Variants in CASP8 observed in about 807,000 individuals in gnomAD.
The protein encoded by CASP8 is caspase-8.
In CASP8, 24 loss-of-function variants were observed where a neutral mutation model predicts 46.3. The observed-to-expected ratio is 0.52, with a 90% CI of 0.38 to 0.73. The LOEUF is 0.73. CASP8 is among the 30% of genes least tolerant of loss of function. The pLI, the probability that CASP8 is intolerant of heterozygous loss-of-function variation, is 0.00. For missense variants in CASP8, 460 were observed against 559.0 expected, an observed-to-expected ratio of 0.82 and a Z score of 1.79; for synonymous variants, 188 against 200.4, an observed-to-expected ratio of 0.94 and a Z score of 0.52.
chr2:201,258,276 A>AAACTTCTTCCT (rs777586802), upstream of CASP8: 33 of 1,613,710 alleles, frequency 2.0e-5, no homozygotes, highest in East Asian at 6.5e-4. Flanking sequence ...AAAGTAAAAG[A>AAACTTCTTCCT]AACTTCTTCC....
chr2:201,287,048 C>T lies in CASP8; in HGVS notation c.*454C>T. The stretch of plus-strand genomic sequence containing the variant: ...ATATTAACAACAATAACACTGTCTC[C>T]TTTCTCTTATGCTTAAGGCTTTGGG... On this transcript the variant is annotated 3_prime_UTR_variant, in exon 9 of 9. Coordinates refer to ENST00000673742, the MANE Select transcript of CASP8 (RefSeq NM_001372051.1). The T allele has an allele frequency of 5.0e-6, 1 of 199,280 alleles. No homozygotes were observed. Among genetic ancestry groups the T allele is most frequent in the South Asian group, 8.4e-5 (1 of 11,912 alleles). 12.3% of individuals were successfully genotyped at this position (199,280 alleles called of 1,614,324 possible).
intron 7 of CASP8, 153 bp downstream of exon 7, chr2:201,277,121 T>G (rs1279709838): frequency 1.7e-6 from 1 of 599,794 alleles, no homozygotes; most frequent in Non-Finnish European, 3.0e-6. Flanking sequence ...AACATTCTTA[T>G]ACATTTATCA....
In CASP8 at chr2:201,277,739, T is replaced by C. The variant is rs578158875; in HGVS notation, c.802+771T>C. ...TTTTTGAGACAAAGTCTCACTCTGT[T>C]GCCCAGGCTGGAGTGCAGTGGTGTG... On this transcript the variant is annotated intron_variant, in intron 7 of 8. Transcript: ENST00000673742. 1.2e-3 allele frequency: 533 copies of C among 435,980 alleles called. 2 individuals are homozygous for C. The highest frequency in any genetic ancestry group is 2.0e-3 in the Non-Finnish European group (440 of 219,668). 27.0% of individuals were successfully genotyped at this position (435,980 alleles called of 1,614,324 possible).
chr2:201,285,192 C>T lies in CASP8; in HGVS notation c.1179C>T (p.Ile393=), dbSNP rs1291121696. 4 of 1,614,104 alleles carry T rather than the reference C, an allele frequency of 2.5e-6. No homozygotes were observed. The highest frequency in any genetic ancestry group is 3.4e-6 in the Non-Finnish European group (4 of 1,180,054). ...MDLSSPQTRY[I]PDEADFLLGM... Reference sequence around the variant, plus strand: ...TATCATCACCTCAAACGAGATATATCCCGGATGAGGCTGACTTTCTGCTGG... The same window carrying T: ...TATCATCACCTCAAACGAGATATATTCCGGATGAGGCTGACTTTCTGCTGG... The change falls in exon 8 of 9, where the codon ATC becomes ATT. Residue 393 remains isoleucine (I), a synonymous_variant. Transcript: ENST00000673742.
Position 201,286,643 on chromosome 2 carries a change from T to C in CASP8, c.*49T>C. On this transcript the variant is annotated 3_prime_UTR_variant, in exon 9 of 9. Transcript: ENST00000673742. ...TTTGTTTTGTTTTTTTGAGACAGAATCTCGCTCTGTCGCCCAGGCTGGAGT... is the reference window on the plus strand; with the variant it reads ...TTTGTTTTGTTTTTTTGAGACAGAACCTCGCTCTGTCGCCCAGGCTGGAGT... 1.1e-5 allele frequency: 17 copies of C among 1,522,372 alleles called. No individual in the cohort carries two copies. The highest frequency in any genetic ancestry group is 1.5e-5 in the Non-Finnish European group (17 of 1,107,872). 94.3% of individuals were successfully genotyped at this position (1,522,372 alleles called of 1,614,324 possible). A position where few individuals can be genotyped will look rare whatever the true frequency, so the allele number is the denominator to read the frequency against.
chr2:201,251,705 C>T lies in CASP8; in HGVS notation c.-26-14756C>T, dbSNP rs891324959. Among the ~76,000 whole-genome samples the T allele has an allele frequency of 5.7e-4, 87 of 151,420 alleles. 7 individuals carry two copies. ...ATTATTTGAAGTCAGGAGTTTAACA[C>T]CAGCCCGACCAACATGGTGAAACCC... On this transcript the variant is annotated intron_variant, in intron 2 of 6. Transcript: ENST00000264274.
Position 201,266,791 on chromosome 2 carries a change from G to A in CASP8, c.305G>A (p.Arg102Lys). 6.2e-7 allele frequency: 1 copy of A among 1,610,966 alleles called. No homozygotes were observed. Among genetic ancestry groups the A allele is most frequent in the Non-Finnish European group, 8.5e-7 (1 of 1,177,862 alleles). Residue 102 changes from arginine (R) to lysine (K), a missense_variant and splice_region_variant, in exon 2 of 9, where the codon AGG becomes AAG. Transcript: ENST00000673742. The surrounding 1 kb of genome is among the most constrained non-coding windows in gnomAD (Gnocchi z 5.7). Reference protein sequence around the residue: ...TPGRAQISAYRVMLYQISEEV... With the variant: ...TPGRAQISAYKVMLYQISEEV... Reference sequence around the variant, plus strand: ...GGCAGGGCTCAAATTTCTGCCTACAGGTGGGTGGAAACTCCCATTGTGGGA... The same window carrying A: ...GGCAGGGCTCAAATTTCTGCCTACAAGTGGGTGGAAACTCCCATTGTGGGA...
At chr2:201,253,186 A>G (rs72932863) in intron 2 of CASP8, among the ~76,000 whole-genome samples, 6 of 150,866 alleles carry the variant, frequency 4.0e-5, no homozygotes, top group South Asian at 2.1e-4. Context: ...TGGTAAAGAC[A>G]GTATGTTGCC....
rs755309536 is a variant in CASP8 at position 201,272,896 on chromosome 2, A to G, written c.551-2A>G. 8 of 1,614,024 alleles carry G rather than the reference A, an allele frequency of 5.0e-6. No homozygotes were observed. Among genetic ancestry groups the G allele is most frequent in the Non-Finnish European group, 3.4e-6 (4 of 1,179,970 alleles). On this transcript the variant is annotated splice_acceptor_variant, in intron 4 of 8. Transcript: ENST00000673742. LOFTEE classifies it high-confidence loss of function. This position sits in a 1 kb window ranked among gnomAD's most constrained non-coding sequence, Gnocchi z 4.4. ...TGTTTGGGGTTTCCCCTTTTAATTC[A>G]GAGAGAAGCAGCAGCCTTGAAGGAA...
chr2:201,238,727 G>A (rs1946163579), intron 2 of CASP8, among the ~76,000 whole-genome samples: 1 of 152,140 alleles, frequency 6.6e-6, no homozygotes, highest in Admixed American at 6.5e-5. Context: ...ACAGGTGTGA[G>A]CCACTGCACC....
chr2:201,286,498 T>C lies in CASP8; in HGVS notation c.1344T>C (p.Tyr448=), dbSNP rs745744150. ...DILTILTEVN[Y]EVSNKDDKKN... ...TCACCATCCTGACTGAAGTGAACTA[T>C]GAAGTAAGCAACAAGGATGACAAGA... The change falls in exon 9 of 9, where the codon TAT becomes TAC. Residue 448 remains tyrosine, a synonymous_variant. Coordinates refer to ENST00000673742, the MANE Select transcript of CASP8 (RefSeq NM_001372051.1). 1 of 1,612,814 alleles carries C rather than the reference T, an allele frequency of 6.2e-7. No individual in the cohort carries two copies. The highest frequency in any genetic ancestry group is 1.1e-5 in the South Asian group (1 of 91,068).
intron 6 of CASP8, among the ~76,000 whole-genome samples, chr2:201,275,160 T>C (rs1948550251): frequency 6.6e-6 from 1 of 152,090 alleles, no homozygotes; most frequent in Non-Finnish European, 1.5e-5. Context: ...TTCTATACAT[T>C]TGAATTTTAT....
chr2:201,266,777 A>C lies in CASP8; in HGVS notation c.291A>C (p.Gln97His), dbSNP rs767913080. 6.2e-7 allele frequency: 1 copy of C among 1,612,578 alleles called. No homozygotes were observed. The highest frequency in any genetic ancestry group is 1.1e-5 in the South Asian group (1 of 90,916). ...AACTTCAGACACCAGGCAGGGCTCA[A>C]ATTTCTGCCTACAGGTGGGTGGAAA... ...ERELQTPGRA[Q>H]ISAYRVMLYQ... Residue 97 changes from glutamine (Q) to histidine (H), a missense_variant, in exon 2 of 9, where the codon CAA becomes CAC. Gln to His is a conservative substitution (Grantham distance 24). Coordinates refer to ENST00000673742, the MANE Select transcript of CASP8 (RefSeq NM_001372051.1). The surrounding 1 kb of genome is among the most constrained non-coding windows in gnomAD (Gnocchi z 5.7).
At chr2:201,275,991 A>C (rs1487968248) in intron 6 of CASP8, among the ~76,000 whole-genome samples, 1 of 152,238 alleles carries the variant, frequency 6.6e-6, no homozygotes, top group Non-Finnish European at 1.5e-5. Flanking sequence ...TCAAATATTT[A>C]ATATCTTAGA....
At chr2:201,246,005 T>C (rs978578819) in intron 2 of CASP8, among the ~76,000 whole-genome samples, 2 of 151,964 alleles carry the variant, frequency 1.3e-5, no homozygotes, top group Non-Finnish European at 2.9e-5. Flanking sequence ...GTAGCTGGGA[T>C]TACAGGCATG....
intron 7 of CASP8, chr2:201,281,821 C>T: frequency 1.4e-6 from 2 of 1,434,230 alleles, no homozygotes; most frequent in Non-Finnish European, 1.9e-6. Context: ...TCTCCTTTCT[C>T]ATTTGCTTCA....
At chr2:201,256,685 A>G (rs1947034242), upstream of CASP8, among the ~76,000 whole-genome samples, 1 of 152,202 alleles carries the variant, frequency 6.6e-6, no homozygotes, top group African/African-American at 2.4e-5. Flanking sequence ...TCTGAGTCTT[A>G]GTTTCCTCAT....
upstream of CASP8, among the ~76,000 whole-genome samples, chr2:201,257,487 A>AAC (rs1400860735): frequency 2.0e-5 from 3 of 151,512 alleles, 1 homozygote; most frequent in African/African-American, 4.9e-5. Flanking sequence ...GTCTCAAAAA[A>AAC]AAAAAAAAAA....
chr2:201,280,158 C>T (rs1948910817), intron 7 of CASP8, among the ~76,000 whole-genome samples: 1 of 151,988 alleles, frequency 6.6e-6, no homozygotes, highest in Non-Finnish European at 1.5e-5. Context: ...ACAAGCAAGT[C>T]TCCTTGAAAA....
Sources: gnomAD v4.1 joint callset for allele counts (sites outside exome capture counted in the v4.1 genomes callset) on GRCh38, gnomAD v4.1.1 for gene constraint, Gnocchi (gnomAD v3.1) non-coding constraint, MANE v1.5 for transcripts, NCBI Gene and HGNC (gene_info 2026-07-23, HGNC 2026-07-21) for gene names.